The following RERE variants were observed in gnomAD, a reference collection of about 807,000 sequenced individuals.
RERE encodes the protein arginine-glutamic acid dipeptide repeats, also known as arginine-glutamic acid dipeptide repeats protein.
A neutral mutation model predicts 146.1 loss-of-function variants in RERE; 40 were observed. The observed-to-expected ratio is 0.27, with a 90% CI of 0.21 to 0.36. The LOEUF (loss-of-function observed/expected upper bound fraction) is 0.36, where lower values mean the gene tolerates loss of function less well. Ranked by LOEUF, RERE falls within the 10% of genes least tolerant of loss-of-function variation. The pLI is 1.00. For synonymous variants in RERE, 1,003 were observed against 866.0 expected (o/e 1.16, Z -2.78); for missense variants, 1,933 against 2,138.7 (o/e 0.90, Z 1.90).
At chr1:8,545,990 T>A (rs1225406129) in intron 6 of RERE, among the ~76,000 whole-genome samples, 9 of 135,122 alleles carry the variant, frequency 6.7e-5, no homozygotes, top group Non-Finnish European at 1.2e-4. Flanking sequence ...GTCTTTTTTT[T>A]TTTTTTTTTT....
At chr1:8,603,227 A>G (rs1646655871) in intron 4 of RERE, among the ~76,000 whole-genome samples, 1 of 152,292 alleles carries the variant, frequency 6.6e-6, no homozygotes, top group Non-Finnish European at 1.5e-5. Context: ...ACTAAGTAGT[A>G]CTACCATAAT....
chr1:8,529,287 C>CTTTTTTTTT (rs34547801), intron 7 of RERE, among the ~76,000 whole-genome samples: 1,800 of 102,200 alleles, frequency 0.018, 94 homozygotes, highest in African/African-American at 0.043. Flanking sequence ...GTTCTCCCTT[C>CTTTTTTTTT]TTTTTTTTTT....
intron 1 of RERE, among the ~76,000 whole-genome samples, chr1:8,660,503 T>C (rs1557464312): frequency 6.6e-6 from 1 of 152,222 alleles, no homozygotes; most frequent in Admixed American, 6.5e-5. Context: ...CGCTTTACAG[T>C]CTACAGAACT....
At chr1:8,428,797 C>T (rs1461022038) in intron 11 of RERE, among the ~76,000 whole-genome samples, 1 of 152,064 alleles carries the variant, frequency 6.6e-6, no homozygotes, top group Non-Finnish European at 1.5e-5. Flanking sequence ...ATAAAAATAA[C>T]AATAACATAA....
At position 8,750,671 on chromosome 1, in the gene RERE, T is replaced by G. The variant is rs1640514658; in HGVS notation, c.-145+66489A>C. On this transcript the variant is annotated intron_variant, in intron 1 of 22. Coordinates refer to ENST00000400908, the MANE Select transcript of RERE (RefSeq NM_001042681.2). ...GATGGCAAGAAAAGCTGGCAACTTC[T>G]GTGTACCTGCAGAACCCAAATTGGC... is the stretch of plus-strand genomic sequence containing the variant. 4 of 866,888 alleles carry G rather than the reference T, an allele frequency of 4.6e-6. 1 individual carries two copies. In the South Asian group the frequency reaches 5.2e-5, roughly 11 times the overall value. 53.7% of individuals were successfully genotyped at this position (866,888 alleles called of 1,614,324 possible). A position where few individuals can be genotyped will look rare whatever the true frequency, so the allele number is the denominator to read the frequency against.
intron 11 of RERE, among the ~76,000 whole-genome samples, chr1:8,447,967 T>A (rs1373001755): frequency 6.6e-6 from 1 of 152,236 alleles, no homozygotes; most frequent in African/African-American, 2.4e-5. Flanking sequence ...GCTGCGGCTC[T>A]GAACAAATTC....
At chr1:8,522,359 A>T (rs1645512780) in intron 7 of RERE, among the ~76,000 whole-genome samples, 1 of 152,238 alleles carries the variant, frequency 6.6e-6, no homozygotes, top group Non-Finnish European at 1.5e-5. Flanking sequence ...GTTGAGTAAC[A>T]AACAAAAAGT....
At chr1:8,597,352 A>G (rs1489586659) in intron 4 of RERE, among the ~76,000 whole-genome samples, 1 of 152,110 alleles carries the variant, frequency 6.6e-6, no homozygotes, top group Non-Finnish European at 1.5e-5. Flanking sequence ...TCAGCCTCCC[A>G]AAGTGCCAGG....
chr1:8,652,996 G>T (rs1260932873), intron 2 of RERE, among the ~76,000 whole-genome samples: 3 of 152,178 alleles, frequency 2.0e-5, no homozygotes, highest in Non-Finnish European at 1.5e-5. Context: ...ACTGTGCCCA[G>T]ATCCAAGACT....
intron 1 of RERE, among the ~76,000 whole-genome samples, chr1:8,678,578 T>C (rs115863810): frequency 0.039 from 5,663 of 143,696 alleles, 145 homozygotes; most frequent in African/African-American, 0.076. Context: ...ACCGAATCGA[T>C]TGAACCTGGG....
In RERE at chr1:8,612,780, A is replaced by T. The variant is rs375744694; in HGVS notation, c.522+1781T>A. ...ATATCGGTAAATAAGACATATTGGT[A>T]ATTGCTAAAGGCTGAAGCTTTAGAA... On this transcript the variant is annotated intron_variant, in intron 4 of 22. Transcript: ENST00000400908. 1.5e-4 allele frequency among the ~76,000 whole-genome samples: 23 copies of T among 152,338 alleles called. No homozygotes were observed. The South Asian group carries it at 4.4e-3, about 29-fold the overall frequency.
intron 8 of RERE, among the ~76,000 whole-genome samples, chr1:8,504,416 T>A (rs1037517504): frequency 6.6e-6 from 1 of 152,236 alleles, no homozygotes; most frequent in Non-Finnish European, 1.5e-5. Flanking sequence ...CTGATTAAAG[T>A]TGATTATAGA....
chr1:8,386,022 A>ATATATTT (rs1186333936), intron 12 of RERE, among the ~76,000 whole-genome samples: 8 of 26,636 alleles, frequency 3.0e-4, no homozygotes, highest in Admixed American at 9.5e-4. Context: ...ATATATATAT[A>ATATATTT]TTTTTTTTTT....
At position 8,414,993 on chromosome 1, in the gene RERE, T is replaced by G. The variant is rs75741779; in HGVS notation, c.1284+7734A>C. 9.7e-3 allele frequency among the ~76,000 whole-genome samples: 1,485 copies of G among 152,336 alleles called. 161 individuals carry two copies. In the East Asian group the frequency reaches 0.23, roughly 24 times the overall value. ...TTTTCCTAAGTATTACTCAAGGGTA[T>G]AGTTTCAAATAAGATTAAAAATGAA... On this transcript the variant is annotated intron_variant, in intron 12 of 22. Coordinates refer to ENST00000400908, the MANE Select transcript of RERE (RefSeq NM_001042681.2).
At chr1:8,556,593 C>A (rs201015716) in intron 5 of RERE, 22 bp from the exon 6 acceptor site, 3 of 1,451,810 alleles carry the variant, frequency 2.1e-6, no homozygotes, top group Non-Finnish European at 2.9e-6. Flanking sequence ...TTAATTAAGA[C>A]GACATTAAAA....
Position 8,571,971 on chromosome 1 carries a change from A to G in RERE, c.523-14448T>C, listed in dbSNP as rs142245120. ...TAAAATAGGGTAATTTTTGTCAAAA[A>G]GATTCTGCATCACGTTCAAGCACCA... is the stretch of plus-strand genomic sequence containing the variant. On this transcript the variant is annotated intron_variant, in intron 4 of 22. Transcript: ENST00000400908. 2.0e-5 allele frequency among the ~76,000 whole-genome samples: 3 copies of G among 152,362 alleles called. No individual in the cohort carries two copies. The East Asian group carries it at 5.8e-4, about 29-fold the overall frequency.
intron 2 of RERE, among the ~76,000 whole-genome samples, chr1:8,650,339 T>G (rs1647550416): frequency 6.6e-6 from 1 of 152,202 alleles, no homozygotes; most frequent in Non-Finnish European, 1.5e-5. Flanking sequence ...TCATTCTCAG[T>G]GACATTTCGA....
At chr1:8,383,430 C>A (rs1370929703) in intron 12 of RERE, among the ~76,000 whole-genome samples, 1 of 152,006 alleles carries the variant, frequency 6.6e-6, no homozygotes, top group Non-Finnish European at 1.5e-5. Context: ...GCCGTCCTTG[C>A]ACTTTAATGC....
intron 7 of RERE, among the ~76,000 whole-genome samples, chr1:8,520,767 A>AC (rs1557670102): frequency 6.6e-6 from 1 of 150,548 alleles, no homozygotes; most frequent in Non-Finnish European, 1.5e-5. Context: ...AAAAAAAAAA[A>AC]AAAAAAAAAC....
Sources: allele counts gnomAD v4.1 joint callset (sites outside exome capture counted in the v4.1 genomes callset), GRCh38; gene constraint gnomAD v4.1.1; transcripts MANE v1.5; gene names NCBI Gene and HGNC (gene_info 2026-07-23, HGNC 2026-07-21).